SH3GL3: variants seen among roughly 807,000 people sequenced by gnomAD.
SH3GL3 encodes the protein endophilin-A3.
Under a neutral mutation model 47.7 loss-of-function variants are expected in SH3GL3, and 33 were observed. The observed-to-expected ratio is 0.69, with a 90% CI of 0.52 to 0.92. SH3GL3 has a LOEUF of 0.92. Among genes scored for constraint, SH3GL3 ranks in the 40% least tolerant of loss-of-function variants. SH3GL3 has a pLI of 0.00. For missense variants in SH3GL3, 363 were observed against 417.8 expected (o/e 0.87, Z 1.14); for synonymous variants, 155 against 148.8 (o/e 1.04, Z -0.30).
intron 1 of SH3GL3, among the ~76,000 whole-genome samples, chr15:83,504,205 A>G (rs1361361692): frequency 6.6e-6 from 1 of 152,236 alleles, no homozygotes; most frequent in Non-Finnish European, 1.5e-5. Context: ...TGTACAGCTT[A>G]TCAAATGATT....
intron 1 of SH3GL3, among the ~76,000 whole-genome samples, chr15:83,523,321 A>C (rs1004310823): frequency 2.0e-5 from 3 of 152,260 alleles, no homozygotes; most frequent in African/African-American, 7.2e-5. Context: ...CACTGTAGAG[A>C]CACCTGCCCC....
At chr15:83,497,346 G>A (rs960738910) in intron 1 of SH3GL3, among the ~76,000 whole-genome samples, 3 of 152,114 alleles carry the variant, frequency 2.0e-5, no homozygotes, top group Non-Finnish European at 2.9e-5. Context: ...GAGGAATGCA[G>A]TCTTGCAAGC....
At chr15:83,613,347 A>G (rs1302023850) in intron 8 of SH3GL3, among the ~76,000 whole-genome samples, 1 of 152,172 alleles carries the variant, frequency 6.6e-6, no homozygotes, top group Non-Finnish European at 1.5e-5. Context: ...GGAGTGTGAT[A>G]TGAGTGCTGG....
intron 1 of SH3GL3, among the ~76,000 whole-genome samples, chr15:83,514,468 A>G (rs1311101456): frequency 6.6e-6 from 1 of 152,172 alleles, no homozygotes; most frequent in African/African-American, 2.4e-5. Context: ...GATAAAATAA[A>G]TGAGATAAAA....
chr15:83,463,669 G>A (rs1489500336), intron 1 of SH3GL3, among the ~76,000 whole-genome samples: 1 of 151,792 alleles, frequency 6.6e-6, no homozygotes, highest in African/African-American at 2.4e-5. Flanking sequence ...AAAAAGGAAA[G>A]GAGGAAAACC....
intron 3 of SH3GL3, 49 bp downstream of exon 3, chr15:83,565,255 A>G (rs1180621405): frequency 1.0e-6 from 1 of 984,778 alleles, no homozygotes; most frequent in East Asian, 2.4e-5. Flanking sequence ...GACTCTAATA[A>G]CCCATGTTTA....
chr15:83,493,059 A>G lies in SH3GL3; in HGVS notation c.45+45481A>G, dbSNP rs537443522. 5.9e-5 allele frequency among the ~76,000 whole-genome samples: 9 copies of G among 152,406 alleles called. No individual in the cohort carries two copies. In the East Asian group the frequency reaches 1.7e-3, roughly 29 times the overall value. On this transcript the variant is annotated intron_variant, in intron 1 of 8. Coordinates refer to ENST00000427482, the MANE Select transcript of SH3GL3 (RefSeq NM_003027.5). ...GAGTTAAATGTGGAAACATGATCAT[A>G]GATGGGATATTAGATGATTTTAAAT...
chr15:83,556,711 G>A (rs2044976665), intron 1 of SH3GL3, among the ~76,000 whole-genome samples: 2 of 152,148 alleles, frequency 1.3e-5, no homozygotes, highest in East Asian at 1.9e-4. Flanking sequence ...CACACCATCC[G>A]AAAACACAGC....
At chr15:83,541,045 T>C (rs2044128859) in intron 1 of SH3GL3, among the ~76,000 whole-genome samples, 1 of 152,186 alleles carries the variant, frequency 6.6e-6, no homozygotes, top group Non-Finnish European at 1.5e-5. Flanking sequence ...GATGTTTGTC[T>C]TTCTGTGCCT....
intron 1 of SH3GL3, among the ~76,000 whole-genome samples, chr15:83,519,849 A>G (rs1209650557): frequency 9.2e-5 from 14 of 152,048 alleles, no homozygotes; most frequent in Non-Finnish European, 5.9e-5. Flanking sequence ...TTATGAAGCT[A>G]CTCTTTATTT....
At chr15:83,456,530 G>C (rs545667193) in intron 1 of SH3GL3, among the ~76,000 whole-genome samples, 6 of 77,832 alleles carry the variant, frequency 7.7e-5, no homozygotes, top group East Asian at 3.6e-4. Context: ...TTCTTAAGCC[G>C]GTCTGAAAAG....
At chr15:83,549,661 A>G (rs964186797) in intron 1 of SH3GL3, among the ~76,000 whole-genome samples, 3 of 152,160 alleles carry the variant, frequency 2.0e-5, no homozygotes, top group South Asian at 2.1e-4. Context: ...TGCCTTGTGT[A>G]TTCAGCTTAG....
At chr15:83,601,976 C>T (rs972184831) in intron 8 of SH3GL3, among the ~76,000 whole-genome samples, 7 of 151,280 alleles carry the variant, frequency 4.6e-5, no homozygotes, top group Non-Finnish European at 8.8e-5. Context: ...AACATAAAAC[C>T]GAAATGCAGT....
chr15:83,559,507 A>G (rs997504542), intron 2 of SH3GL3, among the ~76,000 whole-genome samples, 186 bp downstream of exon 2: 8 of 152,200 alleles, frequency 5.3e-5, no homozygotes, highest in African/African-American at 1.2e-4. Context: ...CTGTAGCCAC[A>G]TGCAGTTTGG....
chr15:83,625,203 G>A, the SH3GL3 span, among the ~76,000 whole-genome samples: 1 of 152,188 alleles, frequency 6.6e-6, no homozygotes, highest in Non-Finnish European at 1.5e-5. Flanking sequence ...TACTTTATAT[G>A]CATTTTCTTG....
chr15:83,558,818 T>C (rs1166577884), intron 1 of SH3GL3, among the ~76,000 whole-genome samples: 1 of 152,242 alleles, frequency 6.6e-6, no homozygotes, highest in African/African-American at 2.4e-5. Flanking sequence ...CCGTGGGCTC[T>C]CAAAGTCCAT....
chr15:83,487,878 C>CTT (rs58188472), intron 1 of SH3GL3, among the ~76,000 whole-genome samples: 20,695 of 137,540 alleles, frequency 0.15, 2,080 homozygotes, highest in South Asian at 0.38. Flanking sequence ...TTTTTCTTTT[C>CTT]TTTTTTTTTT....
At chr15:83,606,378 A>G (rs1369687398) in intron 8 of SH3GL3, among the ~76,000 whole-genome samples, 2 of 152,258 alleles carry the variant, frequency 1.3e-5, no homozygotes, top group Non-Finnish European at 2.9e-5. Context: ...TAGAAAATAA[A>G]CATTTATTCA....
chr15:83,449,045 A>G (rs905336861), intron 1 of SH3GL3, among the ~76,000 whole-genome samples: 1 of 152,100 alleles, frequency 6.6e-6, no homozygotes, highest in African/African-American at 2.4e-5. Context: ...ATTTTTGGTG[A>G]TTTCCAGCCT....
Sources: allele counts gnomAD v4.1 joint callset (sites outside exome capture counted in the v4.1 genomes callset), GRCh38; gene constraint gnomAD v4.1.1; transcripts MANE v1.5; gene names NCBI Gene and HGNC (gene_info 2026-07-23, HGNC 2026-07-21).